Variants in ZFP64 observed in about 807,000 individuals in gnomAD.
The protein encoded by ZFP64 is ZFP64 zinc finger protein, also known as zinc finger protein 64.
ZFP64 carries 14 observed loss-of-function variants against 51.6 expected under a neutral mutation model. The ratio of observed to expected loss-of-function variants is 0.27; its 90% confidence interval spans 0.18 to 0.42. The LOEUF (loss-of-function observed/expected upper bound fraction) is 0.42. Among genes scored for constraint, ZFP64 ranks in the 10% least tolerant of loss-of-function variants. ZFP64 has a pLI of 1.00. For missense variants in ZFP64, 754 were observed against 906.8 expected (o/e 0.83, Z 2.16); for synonymous variants, 375 against 361.4 (o/e 1.04, Z -0.43).
At chr20:52,094,826 A>G (rs146475104) in intron 7 of ZFP64, among the ~76,000 whole-genome samples, 1 of 152,210 alleles carries the variant, frequency 6.6e-6, no homozygotes, top group Non-Finnish European at 1.5e-5. Flanking sequence ...CACACACCTC[A>G]GTATTCCTAG....
At chr20:52,087,309 A>G (rs1014609720) in intron 8 of ZFP64, among the ~76,000 whole-genome samples, 1 of 152,300 alleles carries the variant, frequency 6.6e-6, no homozygotes, top group African/African-American at 2.4e-5. Flanking sequence ...AGACCTGGTC[A>G]GAAACCAGAC....
intron 2 of ZFP64, among the ~76,000 whole-genome samples, chr20:52,172,623 G>C (rs111345099): frequency 0.024 from 3,598 of 152,044 alleles, 58 homozygotes; most frequent in African/African-American, 0.041. Flanking sequence ...TTCCAGTAGA[G>C]GCGTGACTTG....
intron 5 of ZFP64, among the ~76,000 whole-genome samples, chr20:52,132,898 A>G (rs1365774842): frequency 7.7e-6 from 1 of 129,228 alleles, no homozygotes; most frequent in Non-Finnish European, 1.8e-5. Flanking sequence ...AGACAAAAAC[A>G]CATCAAAAAA....
At chr20:52,185,812 C>G (rs1983921946) in intron 2 of ZFP64, among the ~76,000 whole-genome samples, 1 of 149,338 alleles carries the variant, frequency 6.7e-6, no homozygotes, top group Middle Eastern at 3.4e-3. Flanking sequence ...AACTCCTGAC[C>G]TCAGGTGATC....
intron 5 of ZFP64, among the ~76,000 whole-genome samples, chr20:52,100,483 T>TG (rs1347128201): frequency 6.6e-6 from 1 of 152,138 alleles, no homozygotes; most frequent in Non-Finnish European, 1.5e-5. Context: ...TGACCTCAAG[T>TG]GATCCGCCCA....
chr20:52,119,376 C>T (rs1222394520), intron 5 of ZFP64, among the ~76,000 whole-genome samples: 1 of 150,832 alleles, frequency 6.6e-6, no homozygotes, highest in Admixed American at 6.6e-5. Flanking sequence ...ATTAGCCGGG[C>T]GTGGTGGTGC....
intron 5 of ZFP64, among the ~76,000 whole-genome samples, chr20:52,129,004 C>T (rs1051556677): frequency 1.3e-5 from 2 of 152,092 alleles, no homozygotes; most frequent in African/African-American, 4.8e-5. Context: ...ACCTCCGCCT[C>T]CCAGGTTCAA....
chr20:52,191,519 A>C lies in ZFP64; in HGVS notation c.46+72T>G. On this transcript the variant is annotated intron_variant, in intron 1 of 5. Coordinates refer to ENST00000216923, the MANE Select transcript of ZFP64 (RefSeq NM_018197.3). The surrounding 1 kb of genome is among the most constrained non-coding windows in gnomAD (Gnocchi z 4.3). ...CCCGGGCCTGCTGGCTGCGTCGCAG[A>C]CGTGCTTGGGCCCGGGCCCCGGAGC... The C allele has an allele frequency of 6.8e-7, 1 of 1,459,886 alleles. No homozygotes were observed. The highest frequency in any genetic ancestry group is 1.3e-5 in the South Asian group (1 of 75,230). 90.4% of individuals were successfully genotyped at this position (1,459,886 alleles called of 1,614,324 possible).
rs59871770 is a variant in ZFP64, at chr20:52,171,357, ATATGTGTATGTG to A, written c.287-5344_287-5333del. On this transcript the variant is annotated intron_variant, in intron 2 of 5. Transcript: ENST00000216923. ...ACTCATCCCCAGGGGGTGTGTGTGC[ATATGTGTATGTG>A]TATGTGTATGTGTCTGTGTATGCGT... Among the ~76,000 whole-genome samples, 6 of 151,990 alleles carry A rather than the reference ATATGTGTATGTG, an allele frequency of 3.9e-5. No individual in the cohort carries two copies. The East Asian group carries it at 1.2e-3, about 29-fold the overall frequency.
chr20:52,164,674 C>A lies in ZFP64; in HGVS notation c.511+21G>T, dbSNP rs536790641. On this transcript the variant is annotated intron_variant, in intron 4 of 5. Transcript: ENST00000216923. ...ACAGAGCAGGTGTTGAGGGCATATG[C>A]GCTAAAGAAATGCTACTTACCCGTG... The A allele has an allele frequency of 6.8e-6, 11 of 1,609,292 alleles. No individual in the cohort carries two copies. In the East Asian group the frequency reaches 2.2e-4, roughly 33 times the overall value.
At chr20:52,170,237 A>G (rs1055633663) in intron 2 of ZFP64, among the ~76,000 whole-genome samples, 3 of 151,856 alleles carry the variant, frequency 2.0e-5, no homozygotes, top group Non-Finnish European at 2.9e-5. Context: ...GGATCATTTG[A>G]GGTCAGGAGT....
At chr20:52,087,410 T>C (rs2078876059) in intron 8 of ZFP64, among the ~76,000 whole-genome samples, 1 of 152,246 alleles carries the variant, frequency 6.6e-6, no homozygotes, top group East Asian at 1.9e-4. Context: ...ATCCTAGTTT[T>C]ATTTCATACT....
chr20:52,123,007 A>C (rs1199096498), intron 5 of ZFP64, among the ~76,000 whole-genome samples: 1 of 151,264 alleles, frequency 6.6e-6, no homozygotes, highest in East Asian at 1.9e-4. Flanking sequence ...TTTTTTTTTC[A>C]GACAGAGTCT....
At chr20:52,150,297 T>G (rs577040851), downstream of ZFP64, among the ~76,000 whole-genome samples, 37 of 152,284 alleles carry the variant, frequency 2.4e-4, no homozygotes, top group Middle Eastern at 6.8e-3. Context: ...TAACTTCTAT[T>G]TTTTTCCTAG....
At chr20:52,106,015 G>C (rs1400366325) in intron 5 of ZFP64, among the ~76,000 whole-genome samples, 1 of 152,232 alleles carries the variant, frequency 6.6e-6, no homozygotes, top group Non-Finnish European at 1.5e-5. Flanking sequence ...GAGAAATGCA[G>C]ATTCCGAAAG....
At chr20:52,172,650 A>G (rs1982851774) in intron 2 of ZFP64, among the ~76,000 whole-genome samples, 2 of 151,722 alleles carry the variant, frequency 1.3e-5, no homozygotes, top group Non-Finnish European at 1.5e-5. Context: ...CCCCAAGAAT[A>G]TTCTCTAGTC....
At chr20:52,105,170 T>C (rs1978302511) in intron 5 of ZFP64, 2 of 1,440,966 alleles carry the variant, frequency 1.4e-6, no homozygotes, top group Admixed American at 2.8e-5. Flanking sequence ...CTCCGCACAC[T>C]CCCGGCGCGC....
At chr20:52,163,875 C>G (rs951717318) in intron 4 of ZFP64, among the ~76,000 whole-genome samples, 1 of 152,156 alleles carries the variant, frequency 6.6e-6, no homozygotes, top group Admixed American at 6.6e-5. Flanking sequence ...AATAAAATCA[C>G]CAGAAATCAT....
chr20:52,162,317 A>G (rs72626580), intron 4 of ZFP64, among the ~76,000 whole-genome samples: 32,090 of 150,532 alleles, frequency 0.21, 3,744 homozygotes, highest in Admixed American at 0.29. Flanking sequence ...AAAAAAAATT[A>G]GCATTTTTAT....
Sources: gnomAD v4.1 joint callset for allele counts (sites outside exome capture counted in the v4.1 genomes callset) on GRCh38, gnomAD v4.1.1 for gene constraint, Gnocchi (gnomAD v3.1) non-coding constraint, MANE v1.5 for transcripts, NCBI Gene and HGNC (gene_info 2026-07-23, HGNC 2026-07-21) for gene names.